STX11: variants seen among roughly 807,000 people sequenced by gnomAD.
The protein encoded by STX11 is syntaxin-11.
In STX11, 21 loss-of-function variants were observed where a neutral mutation model predicts 19.9. That is an observed-to-expected ratio of 1.06 (90% confidence interval 0.75 to 1.52). STX11 has a LOEUF of 1.52. STX11 is among the 40% of genes most tolerant of loss of function. STX11 has a pLI of 0.00. For synonymous variants in STX11, 193 were observed against 174.4 expected, an observed-to-expected ratio of 1.11 and a Z score of -0.84; for missense variants, 438 against 405.9, an observed-to-expected ratio of 1.08 and a Z score of -0.68.
In STX11 at chr6:144,183,800, T is replaced by C. The variant is rs1289672609; in HGVS notation, c.-5-2823T>C. On this transcript the variant is annotated intron_variant, in intron 1 of 1. Transcript: ENST00000367568. This position sits in a 1 kb window ranked among gnomAD's most constrained non-coding sequence, Gnocchi z 4.6. ...TTGTTACAGAGGTAAACATGTGCCA[T>C]GGTGGTTTGCTGCACAGATCATCCC... Among the ~76,000 whole-genome samples the C allele has an allele frequency of 6.6e-6, 1 of 152,196 alleles. No homozygotes were observed. The highest frequency in any genetic ancestry group is 2.4e-5 in the African/African-American group (1 of 41,454).
rs1801566311 is a variant in STX11, at chr6:144,169,341, A to G, written c.-5-17282A>G. On this transcript the variant is annotated intron_variant, in intron 1 of 1. Coordinates refer to ENST00000367568, the MANE Select transcript of STX11 (RefSeq NM_003764.4). The surrounding 1 kb of genome is among the most constrained non-coding windows in gnomAD (Gnocchi z 5.2). ...AATTTTCATCAGCAATGACCTTGGC[A>G]AATTCATCAATTAATTTCTCTGCTG... Among the ~76,000 whole-genome samples the G allele has an allele frequency of 6.6e-6, 1 of 152,230 alleles. No individual in the cohort carries two copies. The highest frequency in any genetic ancestry group is 1.5e-5 in the Non-Finnish European group (1 of 68,036).
Position 144,151,481 on chromosome 6 carries a change from G to A in STX11, c.-6+778G>A, listed in dbSNP as rs1434464124. On this transcript the variant is annotated intron_variant, in intron 1 of 1. Transcript: ENST00000367568. The surrounding 1 kb of genome is among the most constrained non-coding windows in gnomAD (Gnocchi z 4.6). The stretch of plus-strand genomic sequence containing the variant: ...AATGAACTTTTGAAAAGCGAGGCTT[G>A]CTTTAAAATGAGACTCTAGATGTGA... The A allele has an allele frequency of 1.0e-6, 1 of 966,460 alleles. No individual in the cohort carries two copies. Among genetic ancestry groups the A allele is most frequent in the Non-Finnish European group, 1.2e-6 (1 of 812,774 alleles). The allele number at this position is 966,460 out of a possible 1,614,324, so 59.9% of individuals were successfully genotyped here. A position where few individuals can be genotyped will look rare whatever the true frequency, so the allele number is the denominator to read the frequency against.
Position 144,182,685 on chromosome 6 carries a change from G to C in STX11, c.-5-3938G>C, listed in dbSNP as rs955765142. Among the ~76,000 whole-genome samples the C allele has an allele frequency of 2.6e-5, 4 of 152,146 alleles. No homozygotes were observed. Among genetic ancestry groups the C allele is most frequent in the African/African-American group, 9.7e-5 (4 of 41,422 alleles). On this transcript the variant is annotated intron_variant, in intron 1 of 1. Coordinates refer to ENST00000367568, the MANE Select transcript of STX11 (RefSeq NM_003764.4). This position sits in a 1 kb window ranked among gnomAD's most constrained non-coding sequence, Gnocchi z 4.8. ...CCCCAATAGCTTTTTAATGGCTGTAGGAGAGCAATACAGAGCACAGGACCT... is the reference window on the plus strand; with the variant it reads ...CCCCAATAGCTTTTTAATGGCTGTACGAGAGCAATACAGAGCACAGGACCT...
Position 144,150,837 on chromosome 6 carries a change from T to A in STX11, c.-6+134T>A, listed in dbSNP as rs191564994. 478 of 691,200 alleles carry A rather than the reference T, an allele frequency of 6.9e-4. 2 individuals are homozygous for A. In the African/African-American group the frequency reaches 8.8e-3, roughly 13 times the overall value. 42.8% of individuals were successfully genotyped at this position (691,200 alleles called of 1,614,324 possible). ...CCCGCGGCTGTGCCTTAGGTGGGATTTTGGATCTGGCGCAGGTCCTCACGC... is the reference window on the plus strand; with the variant it reads ...CCCGCGGCTGTGCCTTAGGTGGGATATTGGATCTGGCGCAGGTCCTCACGC... On this transcript the variant is annotated intron_variant, in intron 1 of 1. Coordinates refer to ENST00000367568, the MANE Select transcript of STX11 (RefSeq NM_003764.4).
intron 1 of STX11, among the ~76,000 whole-genome samples, chr6:144,179,528 C>A (rs60482091): frequency 2.6e-5 from 4 of 152,146 alleles, no homozygotes; most frequent in African/African-American, 4.8e-5. Flanking sequence ...TGTGGAATTT[C>A]TAGGTGCCTC....
In STX11 at chr6:144,184,704, C is replaced by T. The variant is rs1345072514; in HGVS notation, c.-5-1919C>T. Among the ~76,000 whole-genome samples the T allele has an allele frequency of 1.3e-5, 2 of 152,146 alleles. No individual in the cohort carries two copies. Among genetic ancestry groups the T allele is most frequent in the Non-Finnish European group, 2.9e-5 (2 of 68,040 alleles). On this transcript the variant is annotated intron_variant, in intron 1 of 1. Coordinates refer to ENST00000367568, the MANE Select transcript of STX11 (RefSeq NM_003764.4). The surrounding 1 kb of genome is among the most constrained non-coding windows in gnomAD (Gnocchi z 6.5). ...AACTCTGATAATGGCAGTACCTACTCATAGAATCTGTATGAAGACTAAAGA... is the reference window on the plus strand; with the variant it reads ...AACTCTGATAATGGCAGTACCTACTTATAGAATCTGTATGAAGACTAAAGA...
At position 144,162,030 on chromosome 6, in the gene STX11, C is replaced by T. The variant is rs1801355157; in HGVS notation, c.-6+11327C>T. Among the ~76,000 whole-genome samples the T allele has an allele frequency of 6.6e-6, 1 of 152,142 alleles. No individual in the cohort carries two copies. The highest frequency in any genetic ancestry group is 2.4e-5 in the African/African-American group (1 of 41,426). ...GCAACATTCCATGTAAAAATATTCACTGAATCCTCCTCTTTTCAGTTGGCT... is the reference window on the plus strand; with the variant it reads ...GCAACATTCCATGTAAAAATATTCATTGAATCCTCCTCTTTTCAGTTGGCT... On this transcript the variant is annotated intron_variant, in intron 1 of 1. Coordinates refer to ENST00000367568, the MANE Select transcript of STX11 (RefSeq NM_003764.4). The surrounding 1 kb of genome is among the most constrained non-coding windows in gnomAD (Gnocchi z 4.6).
rs953557477 is a variant in STX11, at chr6:144,191,302, A to T, written c.*3811A>T. 9.4e-5 allele frequency among the ~76,000 whole-genome samples: 14 copies of T among 148,956 alleles called. No homozygotes were observed. Among genetic ancestry groups the T allele is most frequent in the African/African-American group, 3.0e-4 (12 of 40,084 alleles). Reference sequence around the variant, plus strand: ...CCAGGATAATATGAGTTAGAATTTTAAAAATGTCAGTCATTCAAAAATATT... The same window carrying T: ...CCAGGATAATATGAGTTAGAATTTTTAAAATGTCAGTCATTCAAAAATATT... On this transcript the variant is annotated 3_prime_UTR_variant, in exon 2 of 2. Coordinates refer to ENST00000367568, the MANE Select transcript of STX11 (RefSeq NM_003764.4).
In STX11 at chr6:144,165,077, A is replaced by G. The variant is rs944242291; in HGVS notation, c.-6+14374A>G. On this transcript the variant is annotated intron_variant, in intron 1 of 1. Coordinates refer to ENST00000367568, the MANE Select transcript of STX11 (RefSeq NM_003764.4). The surrounding 1 kb of genome is among the most constrained non-coding windows in gnomAD (Gnocchi z 5.8). ...TGTGTAAGAAATTTGATCTACGACT[A>G]CTTTTTAGTTGGTTTTGTTTTGCAG... is the stretch of plus-strand genomic sequence containing the variant. 2.0e-5 allele frequency among the ~76,000 whole-genome samples: 3 copies of G among 152,098 alleles called. No homozygotes were observed. Among genetic ancestry groups the G allele is most frequent in the African/African-American group, 7.2e-5 (3 of 41,422 alleles).
chr6:144,152,167 A>G lies in STX11; in HGVS notation c.-6+1464A>G, dbSNP rs1801023754. Among the ~76,000 whole-genome samples the G allele has an allele frequency of 6.6e-6, 1 of 152,240 alleles. No individual in the cohort carries two copies. The highest frequency in any genetic ancestry group is 1.5e-5 in the Non-Finnish European group (1 of 68,044). ...TGTATTTAAAGAGTAGACTCAGCAG[A>G]TTATCACCCCTAGATAATTGCGGTC... is the stretch of plus-strand genomic sequence containing the variant. On this transcript the variant is annotated intron_variant, in intron 1 of 1. Coordinates refer to ENST00000367568, the MANE Select transcript of STX11 (RefSeq NM_003764.4). The surrounding 1 kb of genome is among the most constrained non-coding windows in gnomAD (Gnocchi z 4.9).
intron 1 of STX11, among the ~76,000 whole-genome samples, chr6:144,171,094 A>G (rs577354605): frequency 1.4e-4 from 21 of 152,290 alleles, no homozygotes; most frequent in African/African-American, 4.8e-4. Context: ...AGAACCCTGA[A>G]ACCAGTGAGG....
At position 144,187,011 on chromosome 6, in the gene STX11, G is replaced by A; in HGVS notation, c.384G>A (p.Ser128=). The A allele has an allele frequency of 6.2e-7, 1 of 1,611,210 alleles. No individual in the cohort carries two copies. Among genetic ancestry groups the A allele is most frequent in the Non-Finnish European group, 8.5e-7 (1 of 1,179,780 alleles). The change falls in exon 2 of 2, where the codon TCG becomes TCA. Residue 128 remains serine, a synonymous_variant. Transcript: ENST00000367568. This position sits in a 1 kb window ranked among gnomAD's most constrained non-coding sequence, Gnocchi z 5.6. ...HGPHSAVARI[S]RAQYNALTLT... is the part of the protein sequence containing the mutation. ...CGCACTCGGCAGTGGCGCGCATTTC[G>A]CGGGCGCAGTACAACGCGCTCACCC... is the stretch of plus-strand genomic sequence containing the variant.
At chr6:144,173,887 G>A (rs1265512618) in intron 1 of STX11, among the ~76,000 whole-genome samples, 1 of 152,188 alleles carries the variant, frequency 6.6e-6, no homozygotes, top group African/African-American at 2.4e-5. Context: ...AAGCCAAGGT[G>A]GAATGTTTTA....
chr6:144,152,137 C>G lies in STX11; in HGVS notation c.-6+1434C>G, dbSNP rs1208297256. On this transcript the variant is annotated intron_variant, in intron 1 of 1. Transcript: ENST00000367568. This position sits in a 1 kb window ranked among gnomAD's most constrained non-coding sequence, Gnocchi z 4.9. ...GCCAATATAACTCAATATGCTGGGT[C>G]CCAGTGTATTTAAAGAGTAGACTCA... is the stretch of plus-strand genomic sequence containing the variant. Among the ~76,000 whole-genome samples, 2 of 152,078 alleles carry G rather than the reference C, an allele frequency of 1.3e-5. No homozygotes were observed. The highest frequency in any genetic ancestry group is 4.8e-5 in the African/African-American group (2 of 41,398).
In STX11 at chr6:144,177,491, G is replaced by A. The variant is rs995229464; in HGVS notation, c.-5-9132G>A. On this transcript the variant is annotated intron_variant, in intron 1 of 1. Transcript: ENST00000367568. The surrounding 1 kb of genome is among the most constrained non-coding windows in gnomAD (Gnocchi z 4.4). ...TGGCTGGGAGCGGTGGCTCACGCCT[G>A]TAATCCCAGCACTTTGGGAGGCTGA... is the stretch of plus-strand genomic sequence containing the variant. Among the ~76,000 whole-genome samples, 1 of 152,216 alleles carries A rather than the reference G, an allele frequency of 6.6e-6. No homozygotes were observed. The highest frequency in any genetic ancestry group is 1.5e-5 in the Non-Finnish European group (1 of 68,050).
the STX11 span, among the ~76,000 whole-genome samples, chr6:144,145,427 AT>A: frequency 6.6e-6 from 1 of 152,226 alleles, no homozygotes; most frequent in Admixed American, 6.5e-5. Context: ...AGGAAATGAA[AT>A]TAGTGTGATG....
rs1801259480 is a variant in STX11 at position 144,159,125 on chromosome 6, C to T, written c.-6+8422C>T. Reference sequence around the variant, plus strand: ...TTGTGTATGAGAGACCTAGCCTCATCAAAAATGAGTGAAAAAAATAACGAT... The same window carrying T: ...TTGTGTATGAGAGACCTAGCCTCATTAAAAATGAGTGAAAAAAATAACGAT... On this transcript the variant is annotated intron_variant, in intron 1 of 1. Transcript: ENST00000367568. This position sits in a 1 kb window ranked among gnomAD's most constrained non-coding sequence, Gnocchi z 4.3. Among the ~76,000 whole-genome samples, 1 of 151,494 alleles carries T rather than the reference C, an allele frequency of 6.6e-6. No homozygotes were observed. The highest frequency in any genetic ancestry group is 6.6e-5 in the Admixed American group (1 of 15,188).
chr6:144,163,616 TA>T lies in STX11; in HGVS notation c.-6+12915del, dbSNP rs1183490151. On this transcript the variant is annotated intron_variant, in intron 1 of 1. Coordinates refer to ENST00000367568, the MANE Select transcript of STX11 (RefSeq NM_003764.4). ...GCCTCTGCCTCCCAAGTAGCTGAGA[TA>T]ACAGGCACCTGCCACCACACCTGGC... Among the ~76,000 whole-genome samples the T allele has an allele frequency of 3.3e-5, 5 of 152,216 alleles. No individual in the cohort carries two copies. In the South Asian group the frequency reaches 8.3e-4, roughly 25 times the overall value.
At chr6:144,141,484 G>A in the STX11 span, among the ~76,000 whole-genome samples, 12 of 152,140 alleles carry the variant, frequency 7.9e-5, no homozygotes, top group African/African-American at 2.9e-4. Context: ...CTTGGAAAAA[G>A]AAATGATCTT....
Sources: gnomAD v4.1 joint callset for allele counts (sites outside exome capture counted in the v4.1 genomes callset) on GRCh38, gnomAD v4.1.1 for gene constraint, Gnocchi (gnomAD v3.1) non-coding constraint, MANE v1.5 for transcripts, NCBI Gene and HGNC (gene_info 2026-07-23, HGNC 2026-07-21) for gene names.